CPLX2: variants seen among roughly 807,000 people sequenced by gnomAD.
The protein encoded by CPLX2 is complexin-2.
In CPLX2, 5 loss-of-function variants were observed where a neutral mutation model predicts 16.3. The ratio of observed to expected loss-of-function variants is 0.31; its 90% CI spans 0.16 to 0.64. CPLX2 has a LOEUF of 0.64. Ranked by LOEUF, CPLX2 falls within the 30% of genes least tolerant of loss-of-function variation. CPLX2 has a pLI of 0.79. For missense variants in CPLX2, 144 were observed against 181.4 expected (o/e 0.79, Z 1.18); for synonymous variants, 89 against 73.2 (o/e 1.22, Z -1.10).
chr5:175,856,743 A>G (rs1374285285), intron 2 of CPLX2, among the ~76,000 whole-genome samples: 1 of 152,030 alleles, frequency 6.6e-6, no homozygotes, highest in East Asian at 1.9e-4. Flanking sequence ...TGATGAAAGG[A>G]CGTGGCAAAT....
At chr5:175,832,149 G>A (rs1348655646) in intron 2 of CPLX2, among the ~76,000 whole-genome samples, 1 of 152,210 alleles carries the variant, frequency 6.6e-6, no homozygotes, top group East Asian at 1.9e-4. Flanking sequence ...AGATAAAGCT[G>A]TAATTTTGAG....
intron 2 of CPLX2, among the ~76,000 whole-genome samples, chr5:175,829,925 C>T (rs1302981840): frequency 1.3e-5 from 2 of 152,212 alleles, no homozygotes; most frequent in African/African-American, 4.8e-5. Flanking sequence ...TGGGCCCCAC[C>T]AGCCACCAGG....
At chr5:175,862,122 C>G (rs942727308) in intron 2 of CPLX2, among the ~76,000 whole-genome samples, 1 of 152,212 alleles carries the variant, frequency 6.6e-6, no homozygotes, top group African/African-American at 2.4e-5. Context: ...CTAGAAGAGA[C>G]AGAAATTTGT....
intron 2 of CPLX2, among the ~76,000 whole-genome samples, chr5:175,820,929 G>A (rs571740632): frequency 2.6e-5 from 4 of 152,150 alleles, no homozygotes; most frequent in Non-Finnish European, 5.9e-5. Flanking sequence ...TCGGCCGCTC[G>A]GTCCCAGAGC....
rs763871164 is a variant in CPLX2, at chr5:175,879,034, C to A, written c.158C>A (p.Ala53Glu). 2.3e-5 allele frequency: 36 copies of A among 1,591,988 alleles called. No individual in the cohort carries two copies. Among genetic ancestry groups the A allele is most frequent in the Non-Finnish European group, 3.1e-5 (36 of 1,169,766 alleles). Residue 53 changes from alanine to glutamate, a missense_variant, in exon 3 of 4, where the codon GCG becomes GAG. By Grantham distance (107) the Ala-to-Glu change is moderately radical. Transcript: ENST00000393745. ...GAGGAGGAGCGTAAGGCCAAGCACG[C>A]GCGCATGGAGGCGGAGCGGGAGAAG... ...QQEEERKAKHARMEAEREKVR... is the reference protein window; with the variant it reads ...QQEEERKAKHERMEAEREKVR...
intron 2 of CPLX2, among the ~76,000 whole-genome samples, chr5:175,835,775 G>C (rs1420487593): frequency 8.8e-6 from 1 of 114,236 alleles, no homozygotes; most frequent in Non-Finnish European, 1.6e-5. Context: ...ATCTCGCTCT[G>C]TCGCCCAGGC....
intron 2 of CPLX2, among the ~76,000 whole-genome samples, chr5:175,819,240 A>G (rs959282382): frequency 2.0e-5 from 3 of 152,196 alleles, no homozygotes; most frequent in Non-Finnish European, 1.5e-5. Context: ...ACATGTACAC[A>G]TTTCTAGGGG....
chr5:175,807,467 G>A (rs949170256), intron 1 of CPLX2, among the ~76,000 whole-genome samples: 1 of 152,198 alleles, frequency 6.6e-6, no homozygotes, highest in Non-Finnish European at 1.5e-5. Flanking sequence ...TTGCTCCCAG[G>A]TGCTCGTTCC....
At chr5:175,871,410 GGAGAGAGAGAGAGAGAGAGAGACA>G (rs777523341), upstream of CPLX2, 7 of 28,692 alleles carry the variant, frequency 2.4e-4, 1 homozygote, top group African/African-American at 5.0e-4. Context: ...AAGAGAGAGA[GGAGAGAGAGAGAGAGAGAGAGACA>G]GAGAGAGAGA....
At chr5:175,850,112 G>A (rs1160175599) in intron 2 of CPLX2, among the ~76,000 whole-genome samples, 2 of 152,110 alleles carry the variant, frequency 1.3e-5, no homozygotes, top group Non-Finnish European at 2.9e-5. Context: ...TGCTGTTGAT[G>A]CTGATCAAAA....
rs568982363 is a variant in CPLX2, at chr5:175,842,824, G to A, written c.-89+33756G>A. Among the ~76,000 whole-genome samples, 40 of 152,292 alleles carry A rather than the reference G, an allele frequency of 2.6e-4. 1 individual carries two copies. In the South Asian group the frequency reaches 8.1e-3, roughly 31 times the overall value. ...GACTCTTTGGCTAAACACCCAACTC[G>A]TGACAACCATTTCACAGAGGGAGAA... On this transcript the variant is annotated intron_variant, in intron 2 of 4. Coordinates refer to the CPLX2 transcript ENST00000359546.
intron 2 of CPLX2, 67 bp from the exon 3 acceptor site, chr5:175,878,841 G>T: frequency 6.2e-7 from 1 of 1,606,488 alleles, no homozygotes; most frequent in Non-Finnish European, 8.5e-7. Context: ...CGGCCCACCC[G>T]GCCCCTCTCT....
intron 2 of CPLX2, chr5:175,837,996 A>C (rs951985830): frequency 9.9e-5 from 15 of 152,262 alleles, no homozygotes; most frequent in African/African-American, 3.6e-4. Context: ...GCTGTTAGAA[A>C]ACAATTTTGT....
intron 2 of CPLX2, among the ~76,000 whole-genome samples, chr5:175,856,862 C>G (rs576396163): frequency 6.6e-6 from 1 of 152,276 alleles, no homozygotes; most frequent in South Asian, 2.1e-4. Flanking sequence ...GAGCCTGACC[C>G]AGGGACTGTG....
At chr5:175,857,584 T>A (rs1759283308) in intron 2 of CPLX2, among the ~76,000 whole-genome samples, 1 of 152,224 alleles carries the variant, frequency 6.6e-6, no homozygotes. Flanking sequence ...AAAGCTGCTT[T>A]ATAATAAAGC....
At chr5:175,846,728 C>G (rs772733343) in intron 2 of CPLX2, among the ~76,000 whole-genome samples, 2 of 152,178 alleles carry the variant, frequency 1.3e-5, no homozygotes, top group Non-Finnish European at 2.9e-5. Flanking sequence ...CCTCAGCCCC[C>G]CAACTCAATG....
chr5:175,826,751 G>A (rs575864743), intron 2 of CPLX2, among the ~76,000 whole-genome samples: 1 of 152,290 alleles, frequency 6.6e-6, no homozygotes, highest in African/African-American at 2.4e-5. Flanking sequence ...AGGGAAGCTT[G>A]GACAGGGAGG....
intron 1 of CPLX2, among the ~76,000 whole-genome samples, chr5:175,873,265 C>G (rs1759679260): frequency 6.6e-6 from 1 of 151,512 alleles, no homozygotes; most frequent in South Asian, 2.1e-4. Flanking sequence ...AAAACATACA[C>G]ACACACACAC....
At chr5:175,875,208 G>A (rs945835600) in intron 1 of CPLX2, among the ~76,000 whole-genome samples, 1 of 152,148 alleles carries the variant, frequency 6.6e-6, no homozygotes, top group Admixed American at 6.5e-5. Flanking sequence ...GAGAGGGGTG[G>A]GATTAAGGGA....
Sources: gnomAD v4.1 joint callset for allele counts (sites outside exome capture counted in the v4.1 genomes callset) on GRCh38, gnomAD v4.1.1 for gene constraint, MANE v1.5 for transcripts, NCBI Gene and HGNC (gene_info 2026-07-23, HGNC 2026-07-21) for gene names.